EXOC6B: variants seen among roughly 807,000 people sequenced by gnomAD.
EXOC6B encodes the protein exocyst complex component 6B.
In EXOC6B, 54 loss-of-function variants were observed where a neutral mutation model predicts 113.5. That is an observed-to-expected ratio of 0.48 (90% CI 0.38 to 0.60). The LOEUF is 0.60. Ranked by LOEUF, EXOC6B falls within the 20% of genes least tolerant of loss-of-function variation. The pLI is 0.00. For synonymous variants in EXOC6B, 357 were observed against 339.0 expected, an observed-to-expected ratio of 1.05 and a Z score of -0.58; for missense variants, 797 against 977.5, an observed-to-expected ratio of 0.82 and a Z score of 2.46.
chr2:72,203,285 G>A (rs1052453505), intron 20 of EXOC6B, among the ~76,000 whole-genome samples: 1 of 152,166 alleles, frequency 6.6e-6, no homozygotes, highest in African/African-American at 2.4e-5. Flanking sequence ...TCAATTGGTA[G>A]TATCATAGCC....
At chr2:72,645,065 A>C (rs1030768115) in intron 6 of EXOC6B, among the ~76,000 whole-genome samples, 2 of 152,186 alleles carry the variant, frequency 1.3e-5, no homozygotes, top group Non-Finnish European at 2.9e-5. Flanking sequence ...AGACACACAC[A>C]GGCTCAAAAC....
intron 20 of EXOC6B, among the ~76,000 whole-genome samples, chr2:72,325,523 T>C (rs1688080119): frequency 6.6e-6 from 1 of 151,922 alleles, no homozygotes; most frequent in Non-Finnish European, 1.5e-5. Context: ...CAAAAGGTTG[T>C]CAGAACTGCT....
chr2:72,740,598 C>CAACCAACGG (rs1681236582), intron 2 of EXOC6B, among the ~76,000 whole-genome samples: 1 of 152,222 alleles, frequency 6.6e-6, no homozygotes, highest in Non-Finnish European at 1.5e-5. Flanking sequence ...CCCTCCACAA[C>CAACCAACGG]AACCAACGGT....
intron 20 of EXOC6B, among the ~76,000 whole-genome samples, chr2:72,262,092 G>GA (rs1369242917): frequency 1.3e-5 from 2 of 152,216 alleles, no homozygotes; most frequent in East Asian, 1.9e-4. Context: ...CTATCAGTTA[G>GA]AAAAAATCTG....
chr2:72,480,024 G>A (rs1440528813), intron 17 of EXOC6B, among the ~76,000 whole-genome samples: 3 of 151,880 alleles, frequency 2.0e-5, no homozygotes, highest in African/African-American at 7.3e-5. Flanking sequence ...GCAACATGGC[G>A]AAACCCCGTC....
intron 1 of EXOC6B, among the ~76,000 whole-genome samples, chr2:72,781,688 C>G (rs990825046): frequency 8.5e-5 from 13 of 152,172 alleles, no homozygotes; most frequent in Admixed American, 8.5e-4. Flanking sequence ...AGAGGAAAAG[C>G]ACAGTGAGGA....
At chr2:72,383,344 C>T (rs535578658) in intron 18 of EXOC6B, among the ~76,000 whole-genome samples, 2 of 152,188 alleles carry the variant, frequency 1.3e-5, no homozygotes, top group East Asian at 3.9e-4. Flanking sequence ...AGGACATAAA[C>T]AGCCACTTTT....
intron 6 of EXOC6B, among the ~76,000 whole-genome samples, chr2:72,705,884 T>G (rs1421081789): frequency 6.6e-6 from 1 of 152,256 alleles, no homozygotes; most frequent in Non-Finnish European, 1.5e-5. Context: ...TCATTCCCAA[T>G]CACTGAGTAG....
At chr2:72,591,060 T>C (rs1018665293) in intron 6 of EXOC6B, among the ~76,000 whole-genome samples, 2 of 151,972 alleles carry the variant, frequency 1.3e-5, no homozygotes, top group South Asian at 4.1e-4. Context: ...AGACCAAACA[T>C]TGTAAATTAA....
At chr2:72,470,479 T>A (rs1698329339) in intron 17 of EXOC6B, among the ~76,000 whole-genome samples, 1 of 152,188 alleles carries the variant, frequency 6.6e-6, no homozygotes, top group Non-Finnish European at 1.5e-5. Flanking sequence ...AGTTTTTTCT[T>A]TTTAATATTT....
chr2:72,333,931 A>C (rs1688544601), intron 20 of EXOC6B, among the ~76,000 whole-genome samples: 1 of 152,104 alleles, frequency 6.6e-6, no homozygotes, highest in Admixed American at 6.6e-5. Context: ...GTAAGGAACT[A>C]CCGATACAAG....
chr2:72,301,228 G>C (rs1686508592), intron 20 of EXOC6B, among the ~76,000 whole-genome samples: 2 of 152,174 alleles, frequency 1.3e-5, no homozygotes, highest in African/African-American at 4.8e-5. Flanking sequence ...TTTTGATTGT[G>C]CTGCTGAATT....
At chr2:72,498,419 A>AAC in intron 13 of EXOC6B, 35 bp downstream of exon 13, 3 of 1,436,636 alleles carry the variant, frequency 2.1e-6, no homozygotes, top group South Asian at 1.2e-5. Flanking sequence ...AATGTACATG[A>AAC]ACACACACAC....
At chr2:72,781,342 T>A (rs1219980268) in intron 1 of EXOC6B, among the ~76,000 whole-genome samples, 2 of 152,190 alleles carry the variant, frequency 1.3e-5, no homozygotes, top group Non-Finnish European at 2.9e-5. Context: ...TTTCAGTGGC[T>A]TAAAACAATA....
At chr2:72,722,405 A>T (rs1367523946) in intron 5 of EXOC6B, among the ~76,000 whole-genome samples, 1 of 152,158 alleles carries the variant, frequency 6.6e-6, no homozygotes, top group Non-Finnish European at 1.5e-5. Context: ...TTCTTGCTCT[A>T]ATGAATTTAG....
chr2:72,258,940 A>G (rs1255586195), intron 20 of EXOC6B, among the ~76,000 whole-genome samples: 2 of 152,204 alleles, frequency 1.3e-5, no homozygotes, highest in Admixed American at 1.3e-4. Context: ...ACTATATTTT[A>G]TCATATATAT....
At chr2:72,267,778 A>C (rs545468163) in intron 20 of EXOC6B, among the ~76,000 whole-genome samples, 1 of 152,282 alleles carries the variant, frequency 6.6e-6, no homozygotes, top group East Asian at 1.9e-4. Flanking sequence ...TTTGAACTTG[A>C]AAGAGATAAT....
chr2:72,641,539 T>C (rs1236405874), intron 6 of EXOC6B, among the ~76,000 whole-genome samples: 2 of 152,218 alleles, frequency 1.3e-5, no homozygotes, highest in Non-Finnish European at 2.9e-5. Context: ...GAGGCTTGAG[T>C]AGGTAAACAA....
At chr2:72,715,099 TACTAAAAATACA>T (rs1679521999) in intron 6 of EXOC6B, among the ~76,000 whole-genome samples, 1 of 151,964 alleles carries the variant, frequency 6.6e-6, no homozygotes, top group East Asian at 1.9e-4. Context: ...GCCCCGTCTC[TACTAAAAATACA>T]GAAAACTAGG....
Sources: allele counts gnomAD v4.1 joint callset (sites outside exome capture counted in the v4.1 genomes callset), GRCh38; gene constraint gnomAD v4.1.1; transcripts MANE v1.5; gene names NCBI Gene and HGNC (gene_info 2026-07-23, HGNC 2026-07-21).